The following EPHB1 variants were observed in gnomAD, a reference collection of about 807,000 sequenced individuals.
EPHB1 encodes EPH receptor B1, also known as ephrin type-B receptor 1.
A neutral mutation model predicts 94.4 loss-of-function variants in EPHB1; 30 were observed. That is an observed-to-expected ratio of 0.32 (90% confidence interval 0.24 to 0.43). The LOEUF (loss-of-function observed/expected upper bound fraction) is 0.43. Ranked by LOEUF, EPHB1 falls within the 20% of genes least tolerant of loss-of-function variation. The pLI, the probability that EPHB1 is intolerant of heterozygous loss-of-function variation, is 1.00. For missense variants in EPHB1, 1,055 were observed against 1,308.3 expected, an observed-to-expected ratio of 0.81 and a Z score of 2.99; for synonymous variants, 522 against 489.1, an observed-to-expected ratio of 1.07 and a Z score of -0.89.
At chr3:135,100,052 C>A (rs1024619459) in intron 3 of EPHB1, among the ~76,000 whole-genome samples, 2 of 151,998 alleles carry the variant, frequency 1.3e-5, no homozygotes, top group South Asian at 2.1e-4. Flanking sequence ...TTGGCATGAA[C>A]CTTTGCAAAC....
At chr3:135,167,427 A>C (rs1941681215) in intron 9 of EPHB1, among the ~76,000 whole-genome samples, 1 of 152,210 alleles carries the variant, frequency 6.6e-6, no homozygotes, top group Non-Finnish European at 1.5e-5. Flanking sequence ...TAGAACATGA[A>C]GGTAGGGAAT....
intron 5 of EPHB1, among the ~76,000 whole-genome samples, chr3:135,153,564 T>A (rs1941259395): frequency 6.6e-6 from 1 of 152,206 alleles, no homozygotes; most frequent in African/African-American, 2.4e-5. Flanking sequence ...TGACCATACC[T>A]CTGTTGTTGG....
chr3:135,147,438 T>C (rs1337029791), intron 5 of EPHB1, among the ~76,000 whole-genome samples: 1 of 152,244 alleles, frequency 6.6e-6, no homozygotes, highest in Non-Finnish European at 1.5e-5. Context: ...TGAACGTTTA[T>C]AGAGGCATTA....
chr3:134,954,934 G>A (rs959042498), intron 3 of EPHB1, among the ~76,000 whole-genome samples: 4 of 152,118 alleles, frequency 2.6e-5, no homozygotes, highest in South Asian at 4.1e-4. Flanking sequence ...TGTGAAGAGC[G>A]TGGGTGGTGA....
intron 1 of EPHB1, among the ~76,000 whole-genome samples, chr3:134,919,841 GGTGTGTGTGT>G (rs10663205): frequency 6.0e-5 from 9 of 149,666 alleles, no homozygotes; most frequent in Non-Finnish European, 1.2e-4. Context: ...TTAGGGCAGG[GGTGTGTGTGT>G]GTGTGTGTGT....
chr3:135,017,837 T>A (rs1935854355), intron 3 of EPHB1, among the ~76,000 whole-genome samples: 1 of 152,248 alleles, frequency 6.6e-6, no homozygotes. Context: ...CATGCCCAAG[T>A]GTCCATGCAG....
At position 134,795,421 on chromosome 3, in the gene EPHB1, A is replaced by G. The variant is rs1035295764; in HGVS notation, c.-211A>G. ...CTCTCCCATAAACACACACACACAC[A>G]TGCACACCCACACCCACGCGCGCCC... On this transcript the variant is annotated 5_prime_UTR_variant, in exon 1 of 16. The change abolishes an upstream ATG in the 5' untranslated region. Transcript: ENST00000398015. 64 of 562,868 alleles carry G rather than the reference A, an allele frequency of 1.1e-4. No homozygotes were observed. Among genetic ancestry groups the G allele is most frequent in the Non-Finnish European group, 1.8e-4 (58 of 323,902 alleles). The allele number at this position is 562,868 out of a possible 1,614,324, so 34.9% of individuals were successfully genotyped here.
intron 1 of EPHB1, among the ~76,000 whole-genome samples, chr3:134,806,817 G>A (rs1460616382): frequency 6.6e-6 from 1 of 152,104 alleles, no homozygotes; most frequent in Non-Finnish European, 1.5e-5. Flanking sequence ...CCTATTGGGG[G>A]AACAGACAGG....
intron 3 of EPHB1, among the ~76,000 whole-genome samples, chr3:134,952,435 C>G (rs959683875): frequency 6.6e-6 from 1 of 152,036 alleles, no homozygotes; most frequent in Non-Finnish European, 1.5e-5. Flanking sequence ...GCCCTAAGCT[C>G]TGGGGCTGGA....
Position 134,795,607 on chromosome 3 carries a change from T to C in EPHB1, c.-25T>C, listed in dbSNP as rs958963028. On this transcript the variant is annotated 5_prime_UTR_variant, in exon 1 of 16. Transcript: ENST00000398015. Reference sequence around the variant, plus strand: ...CCGGCGCTGCTGCCTCGGCTTGGTCTCGGCCTGCGGGCCGTCGGCCGGCGA... The same window carrying C: ...CCGGCGCTGCTGCCTCGGCTTGGTCCCGGCCTGCGGGCCGTCGGCCGGCGA... 9.4e-6 allele frequency: 15 copies of C among 1,603,858 alleles called. No individual in the cohort carries two copies. The highest frequency in any genetic ancestry group is 1.3e-5 in the Non-Finnish European group (15 of 1,176,160).
At position 135,154,288 on chromosome 3, in the gene EPHB1, C is replaced by T. The variant is rs1384391632; in HGVS notation, c.1422+12C>T. ...GGTACTATGAGAAGGTGAGCCAGCT[C>T]TACCTGCAAGCTTGCAAGACCCAAG... On this transcript the variant is annotated intron_variant, in intron 6 of 15. Transcript: ENST00000398015. 2.5e-6 allele frequency: 4 copies of T among 1,613,694 alleles called. No homozygotes were observed. The highest frequency in any genetic ancestry group is 3.4e-6 in the Non-Finnish European group (4 of 1,179,776).
At chr3:134,800,284 A>G (rs2035912019) in intron 1 of EPHB1, among the ~76,000 whole-genome samples, 1 of 152,228 alleles carries the variant, frequency 6.6e-6, no homozygotes, top group African/African-American at 2.4e-5. Context: ...ACTAGATTAA[A>G]AAGAAAGTAA....
intron 1 of EPHB1, among the ~76,000 whole-genome samples, chr3:134,850,891 C>T (rs981983538): frequency 6.6e-6 from 1 of 152,248 alleles, no homozygotes; most frequent in African/African-American, 2.4e-5. Context: ...CCTGTTGGTG[C>T]AGAGCCAGGG....
At position 135,167,026 on chromosome 3, in the gene EPHB1, C is replaced by T. The variant is rs1248273318; in HGVS notation, c.1759+20C>T. 6.2e-7 allele frequency: 1 copy of T among 1,613,506 alleles called. No homozygotes were observed. ...GCCGAGGTAAGTAGAAAGCAGAGACCCGGTGTCTGACCCCCACAGGCCACT... is the reference window on the plus strand; with the variant it reads ...GCCGAGGTAAGTAGAAAGCAGAGACTCGGTGTCTGACCCCCACAGGCCACT... On this transcript the variant is annotated intron_variant, in intron 9 of 15. Transcript: ENST00000398015.
chr3:134,923,104 C>T (rs929273024), intron 1 of EPHB1, among the ~76,000 whole-genome samples: 3 of 152,148 alleles, frequency 2.0e-5, no homozygotes, highest in African/African-American at 4.8e-5. Flanking sequence ...GGACCAGCCT[C>T]CCCAGCTGTC....
chr3:135,240,419 T>C (rs751086762), intron 12 of EPHB1, among the ~76,000 whole-genome samples: 3 of 152,078 alleles, frequency 2.0e-5, no homozygotes, highest in Non-Finnish European at 4.4e-5. Context: ...TTTAGAAACT[T>C]CCAGTGTGGG....
chr3:134,879,843 G>T (rs1477427040), intron 1 of EPHB1, among the ~76,000 whole-genome samples: 2 of 152,032 alleles, frequency 1.3e-5, no homozygotes, highest in African/African-American at 2.4e-5. Context: ...GTAGGGGTTG[G>T]TGAAGTCTAG....
At chr3:134,889,761 G>A (rs565943877) in intron 1 of EPHB1, among the ~76,000 whole-genome samples, 139 of 151,410 alleles carry the variant, frequency 9.2e-4, no homozygotes, top group African/African-American at 3.2e-3. Flanking sequence ...TGCTGCAAGC[G>A]CCGCCTTCCG....
At chr3:135,202,734 A>G (rs917780756) in intron 12 of EPHB1, among the ~76,000 whole-genome samples, 15 of 152,256 alleles carry the variant, frequency 9.9e-5, no homozygotes, top group Admixed American at 3.3e-4. Flanking sequence ...GATGCTGGTG[A>G]GGCTGTGGAG....
Sources: allele counts gnomAD v4.1 joint callset (sites outside exome capture counted in the v4.1 genomes callset), GRCh38; gene constraint gnomAD v4.1.1; transcripts MANE v1.5; gene names NCBI Gene and HGNC (gene_info 2026-07-23, HGNC 2026-07-21).